EHD2: variants seen among roughly 807,000 people sequenced by gnomAD.
The protein encoded by EHD2 is EH domain containing 2.
A neutral mutation model predicts 41.0 loss-of-function variants in EHD2; 27 were observed. That is an observed-to-expected ratio of 0.66 (90% CI 0.49 to 0.91). The LOEUF (loss-of-function observed/expected upper bound fraction) is 0.91. Among genes scored for constraint, EHD2 ranks in the 40% least tolerant of loss-of-function variants. The probability of loss-of-function intolerance (pLI) is 0.00; values close to 1 mark genes in which losing one functional copy is unlikely to be tolerated. For missense variants in EHD2, 673 were observed against 773.9 expected (o/e 0.87, Z 1.55); for synonymous variants, 342 against 341.0 (o/e 1.00, Z -0.03).
intron 4 of EHD2, chr19:47,731,287 TA>T (rs1221642927): frequency 2.5e-5 from 2 of 81,082 alleles, no homozygotes; most frequent in African/African-American, 7.2e-5. Flanking sequence ...AAAATATATA[TA>T]TATATATATA....
rs369297316 is a variant in EHD2, at chr19:47,718,581, G to C, written c.477G>C (p.Ser159=). The part of the protein sequence containing the change: ...ISIIDTPGIL[S]GAKQRVSRGY... ...TCATCGACACCCCGGGTATCCTGTC[G>C]GGTGCCAAGCAGAGAGTGAGCCGCG... Residue 159 remains serine (S), a synonymous_variant, in exon 3 of 6, where the codon TCG becomes TCC. Transcript: ENST00000263277. The C allele has an allele frequency of 8.6e-5, 136 of 1,575,030 alleles. No homozygotes were observed. Among genetic ancestry groups the C allele is most frequent in the Non-Finnish European group, 1.1e-4 (132 of 1,159,980 alleles).
intron 4 of EHD2, among the ~76,000 whole-genome samples, chr19:47,736,053 G>A (rs1966918700): frequency 6.6e-6 from 1 of 152,122 alleles, no homozygotes; most frequent in African/African-American, 2.4e-5. Context: ...AAAATTAGCT[G>A]GGCATAGTGG....
chr19:47,739,666 T>C (rs1966964830), intron 5 of EHD2, among the ~76,000 whole-genome samples: 1 of 150,186 alleles, frequency 6.7e-6, no homozygotes, highest in South Asian at 2.1e-4. Flanking sequence ...CAGGCTGGTC[T>C]TGCACTCCTG....
chr19:47,739,616 A>G (rs1966964048), intron 5 of EHD2, among the ~76,000 whole-genome samples: 1 of 146,742 alleles, frequency 6.8e-6, no homozygotes, highest in Non-Finnish European at 1.5e-5. Context: ...AAAAAAAAAA[A>G]GGAAAGAAAA....
Position 47,719,994 on chromosome 19 carries a change from T to G in EHD2, c.502+1388T>G, listed in dbSNP as rs183393821. 1.6e-4 allele frequency among the ~76,000 whole-genome samples: 23 copies of G among 140,432 alleles called. No homozygotes were observed. The highest frequency in any genetic ancestry group is 6.0e-4 in the African/African-American group (21 of 34,716). 92.1% of individuals were successfully genotyped at this position (140,432 alleles called of 152,430 possible). On this transcript the variant is annotated intron_variant, in intron 3 of 5. Coordinates refer to ENST00000263277, the MANE Select transcript of EHD2 (RefSeq NM_014601.4). This position sits in a 1 kb window ranked among gnomAD's most constrained non-coding sequence, Gnocchi z 4.1. ...TGACTTTGTGTATATCTTGGGAAAG[T>G]GTGTCATTATGAGTGTACTCCTGGG...
At chr19:47,724,869 G>A (rs982998551) in intron 3 of EHD2, among the ~76,000 whole-genome samples, 3 of 151,730 alleles carry the variant, frequency 2.0e-5, no homozygotes, top group East Asian at 1.9e-4. Context: ...CCAGCTACTC[G>A]GGAGGCTGAG....
In EHD2 at chr19:47,718,541, T is replaced by C; in HGVS notation, c.437T>C (p.Leu146Pro). The change falls in exon 3 of 6, where the codon CTG becomes CCG. Residue 146 changes from leucine (L) to proline (P), a missense_variant. Leu to Pro is a moderately conservative substitution (Grantham distance 98). Coordinates refer to ENST00000263277, the MANE Select transcript of EHD2 (RefSeq NM_014601.4). ...TGTGCCCAGCTCCCTAATCAGGTCC[T>C]GGAGAGCATCAGCATCATCGACACC... ...FMCAQLPNQVLESISIIDTPG... is the reference protein window; with the variant it reads ...FMCAQLPNQVPESISIIDTPG... The C allele has an allele frequency of 6.3e-7, 1 of 1,588,192 alleles. No individual in the cohort carries two copies. Among genetic ancestry groups the C allele is most frequent in the South Asian group, 1.1e-5 (1 of 87,284 alleles).
At chr19:47,732,807 G>A (rs1460790432) in intron 4 of EHD2, among the ~76,000 whole-genome samples, 1 of 152,104 alleles carries the variant, frequency 6.6e-6, no homozygotes, top group African/African-American at 2.4e-5. Context: ...TTGTGGACCA[G>A]GTGTGGTGGC....
At position 47,716,623 on chromosome 19, in the gene EHD2, G is replaced by C. The variant is rs760139473; in HGVS notation, c.11G>C (p.Trp4Ser). Residue 4 changes from tryptophan to serine, a missense_variant, in exon 2 of 6, where the codon TGG (tryptophan) becomes TCG (serine). Transcript: ENST00000263277. MFS[W>S]LKRGGARGQQ... is the part of the protein sequence containing the mutation. ...CGGTGTGCAGCCACCATGTTCAGCT[G>C]GCTGAAGCGGGGCGGGGCACGGGGC... is the stretch of plus-strand genomic sequence containing the variant. 6.5e-7 allele frequency: 1 copy of C among 1,533,908 alleles called. No individual in the cohort carries two copies. Among genetic ancestry groups the C allele is most frequent in the East Asian group, 2.3e-5 (1 of 43,258 alleles).
At chr19:47,731,280 A>AATATATATATACATG (rs1491458646) in intron 4 of EHD2, 1 of 54,730 alleles carries the variant, frequency 1.8e-5, no homozygotes, top group African/African-American at 6.5e-5. Context: ...AAAAAAAAAA[A>AATATATATATACATG]TATATATATA....
At chr19:47,727,114 C>T (rs2123647138) in intron 4 of EHD2, among the ~76,000 whole-genome samples, 1 of 151,948 alleles carries the variant, frequency 6.6e-6, no homozygotes, top group Non-Finnish European at 1.5e-5. Context: ...TTCTTCTTTT[C>T]TTTTTTTGAG....
chr19:47,713,710 T>C (rs1973597403), intron 1 of EHD2, among the ~76,000 whole-genome samples, 172 bp downstream of exon 1: 1 of 136,480 alleles, frequency 7.3e-6, no homozygotes, highest in Non-Finnish European at 1.6e-5. Flanking sequence ...TCCCCCACTC[T>C]TCCCACTCCT....
At position 47,740,992 on chromosome 19, in the gene EHD2, C is replaced by T. The variant is rs1201923936; in HGVS notation, c.1192C>T (p.Arg398Trp). ...HDIAKLMPLL[R>W]QEELESTEVG... ...CATCGCCAAGCTCATGCCCCTGCTGCGGCAGGAGGAGCTGGAGAGCACCGA... is the reference window on the plus strand; with the variant it reads ...CATCGCCAAGCTCATGCCCCTGCTGTGGCAGGAGGAGCTGGAGAGCACCGA... The change falls in exon 6 of 6, where the codon CGG (arginine) becomes TGG (tryptophan). Residue 398 changes from arginine to tryptophan, a missense_variant. Transcript: ENST00000263277. The T allele has an allele frequency of 4.3e-6, 7 of 1,611,306 alleles. No homozygotes were observed. The highest frequency in any genetic ancestry group is 1.7e-5 in the Admixed American group (1 of 59,856).
At chr19:47,720,946 G>A (rs1317292969) in intron 3 of EHD2, among the ~76,000 whole-genome samples, 1 of 152,004 alleles carries the variant, frequency 6.6e-6, no homozygotes, top group Non-Finnish European at 1.5e-5. Flanking sequence ...GAGGTTATGT[G>A]TGTGCGACTG....
intron 5 of EHD2, among the ~76,000 whole-genome samples, chr19:47,740,235 C>T (rs1293545635): frequency 2.0e-5 from 3 of 151,500 alleles, no homozygotes; most frequent in African/African-American, 7.3e-5. Context: ...GGCGTAGTGG[C>T]GCACACCTAT....
chr19:47,716,439 A>C, intron 1 of EHD2, 119 bp from the exon 2 acceptor site: 1 of 647,876 alleles, frequency 1.5e-6, no homozygotes, highest in Non-Finnish European at 2.4e-6. Context: ...TTGTGACCAC[A>C]AATATCTGTG....
At chr19:47,714,288 C>T (rs991348918) in intron 1 of EHD2, among the ~76,000 whole-genome samples, 1 of 152,182 alleles carries the variant, frequency 6.6e-6, no homozygotes, top group Non-Finnish European at 1.5e-5. Flanking sequence ...TGCCCCCGCC[C>T]TGGAATCCAC....
At chr19:47,725,666 T>C in intron 3 of EHD2, 146 bp from the exon 4 acceptor site, 1 of 1,089,284 alleles carries the variant, frequency 9.2e-7, no homozygotes, top group South Asian at 1.9e-5. Flanking sequence ...GCCTTGGCTA[T>C]TTTGCCCAGA....
At chr19:47,727,582 G>A (rs116089137) in intron 4 of EHD2, among the ~76,000 whole-genome samples, 2,640 of 150,626 alleles carry the variant, frequency 0.018, 96 homozygotes, top group African/African-American at 0.06. Flanking sequence ...ACACTAATAA[G>A]TTCTGATAAC....
Sources: gnomAD v4.1 joint callset for allele counts (sites outside exome capture counted in the v4.1 genomes callset) on GRCh38, gnomAD v4.1.1 for gene constraint, Gnocchi (gnomAD v3.1) non-coding constraint, MANE v1.5 for transcripts, NCBI Gene and HGNC (gene_info 2026-07-23, HGNC 2026-07-21) for gene names.